RGS7: variants seen among roughly 807,000 people sequenced by gnomAD.
RGS7 encodes regulator of G protein signaling 7, also known as regulator of G-protein signaling 7.
RGS7 carries 27 observed loss-of-function variants against 81.1 expected under a neutral mutation model. That is an observed-to-expected ratio of 0.33 (90% CI 0.25 to 0.46). RGS7 has a LOEUF of 0.46. Among genes scored for constraint, RGS7 ranks in the 20% least tolerant of loss-of-function variants. The pLI, the probability that RGS7 is intolerant of heterozygous loss-of-function variation, is 1.00. For missense variants in RGS7, 396 were observed against 607.4 expected (o/e 0.65, Z 3.66); for synonymous variants, 208 against 207.7 (o/e 1.00, Z -0.01).
chr1:241,238,659 T>A (rs1261758894), intron 2 of RGS7, among the ~76,000 whole-genome samples: 1 of 152,094 alleles, frequency 6.6e-6, no homozygotes, highest in Non-Finnish European at 1.5e-5. Context: ...CTCGGCCTCC[T>A]GAGTGGCTAG....
At position 240,868,591 on chromosome 1, in the gene RGS7, G is replaced by T; in HGVS notation, c.605C>A (p.Pro202His). 1 of 1,613,978 alleles carries T rather than the reference G, an allele frequency of 6.2e-7. No homozygotes were observed. Among genetic ancestry groups the T allele is most frequent in the Non-Finnish European group, 8.5e-7 (1 of 1,179,910 alleles). The change falls in exon 9 of 19, where the codon CCC becomes CAC. Residue 202 changes from proline (P) to histidine (H), a missense_variant. By Grantham distance (77) the Pro-to-His change is moderately conservative. Transcript: ENST00000440928. The surrounding 1 kb of genome is among the most constrained non-coding windows in gnomAD (Gnocchi z 5.1). ...QERAFWDVHR[P>H]VPGCVNTTEV... ...GAGAGTGCGACGCTTGCTTACCACGGGCCTGTGCACGTCCCAGAACGCTCT... is the reference window on the plus strand; with the variant it reads ...GAGAGTGCGACGCTTGCTTACCACGTGCCTGTGCACGTCCCAGAACGCTCT...
At chr1:240,793,611 A>ATATATATATATTTTTTTTTTTTTT in intron 18 of RGS7, among the ~76,000 whole-genome samples, 3 of 78,870 alleles carry the variant, frequency 3.8e-5, no homozygotes, top group African/African-American at 2.9e-4. Flanking sequence ...ATATATATAT[A>ATATATATATATTTTTTTTTTTTTT]TTTTTTTTTT....
At chr1:241,074,133 A>C (rs1057025510) in intron 3 of RGS7, among the ~76,000 whole-genome samples, 8 of 152,086 alleles carry the variant, frequency 5.3e-5, no homozygotes, top group African/African-American at 1.9e-4. Context: ...CCTGACCTGA[A>C]GTGACCCACC....
intron 2 of RGS7, among the ~76,000 whole-genome samples, chr1:241,325,864 T>A (rs2081463849): frequency 6.6e-6 from 1 of 152,020 alleles, no homozygotes; most frequent in South Asian, 2.1e-4. Context: ...TACAGGAAAA[T>A]GTAATTTTTC....
At chr1:241,330,780 A>G (rs1201662066) in intron 2 of RGS7, among the ~76,000 whole-genome samples, 1 of 152,236 alleles carries the variant, frequency 6.6e-6, no homozygotes. Flanking sequence ...GGACTCCAAC[A>G]GCAGGGAGGG....
intron 9 of RGS7, among the ~76,000 whole-genome samples, chr1:240,849,295 T>C (rs915076375): frequency 6.6e-6 from 1 of 152,184 alleles, no homozygotes; most frequent in Admixed American, 6.5e-5. Flanking sequence ...TGTGATCTGT[T>C]ATGTTAACCT....
At chr1:241,259,650 C>CAAAAAAAAAAAAAAAAAA (rs71571832) in intron 2 of RGS7, among the ~76,000 whole-genome samples, 16 of 39,892 alleles carry the variant, frequency 4.0e-4, no homozygotes, top group East Asian at 5.6e-4. Flanking sequence ...AACTCCGTCT[C>CAAAAAAAAAAAAAAAAAA]AAAAAAAAAA....
intron 3 of RGS7, among the ~76,000 whole-genome samples, chr1:240,991,954 A>C (rs1686516052): frequency 6.6e-6 from 1 of 152,208 alleles, no homozygotes; most frequent in South Asian, 2.1e-4. Flanking sequence ...AGATAAAGAA[A>C]ATGTTTATTG....
At chr1:241,096,009 C>A (rs544641275) in intron 3 of RGS7, among the ~76,000 whole-genome samples, 4 of 152,274 alleles carry the variant, frequency 2.6e-5, no homozygotes, top group African/African-American at 9.6e-5. Context: ...ACAACATTTG[C>A]GATCCTTCCT....
chr1:241,107,148 C>T (rs1194648556), intron 2 of RGS7, among the ~76,000 whole-genome samples: 2 of 152,160 alleles, frequency 1.3e-5, no homozygotes, highest in South Asian at 2.1e-4. Flanking sequence ...ATGCTTACTG[C>T]CCCCTCCACT....
At chr1:241,033,390 T>C (rs1327361114) in intron 3 of RGS7, among the ~76,000 whole-genome samples, 1 of 151,988 alleles carries the variant, frequency 6.6e-6, no homozygotes, top group East Asian at 1.9e-4. Context: ...GAAAGTTCCA[T>C]AGGCAAAAAC....
At chr1:241,114,892 G>A (rs969279444) in intron 2 of RGS7, among the ~76,000 whole-genome samples, 4 of 152,144 alleles carry the variant, frequency 2.6e-5, no homozygotes, top group African/African-American at 9.7e-5. Flanking sequence ...GGGCACCAGG[G>A]AAGACCCTTT....
At chr1:241,245,963 G>C (rs2076513981) in intron 2 of RGS7, among the ~76,000 whole-genome samples, 1 of 151,820 alleles carries the variant, frequency 6.6e-6, no homozygotes, top group Non-Finnish European at 1.5e-5. Context: ...AATTAGCCAG[G>C]CGTGGTGGCG....
At chr1:240,827,233 A>C (rs1692994850) in intron 9 of RGS7, 61 bp from the exon 10 acceptor site, 1 of 1,309,514 alleles carries the variant, frequency 7.6e-7, no homozygotes, top group Non-Finnish European at 1.1e-6. Context: ...TGACCAGGAC[A>C]ATCATGAATG....
chr1:241,092,052 G>A (rs867261748), intron 3 of RGS7, among the ~76,000 whole-genome samples: 5 of 152,076 alleles, frequency 3.3e-5, no homozygotes, highest in African/African-American at 1.2e-4. Context: ...AATTTATAAA[G>A]CACCCATGAT....
intron 9 of RGS7, among the ~76,000 whole-genome samples, chr1:240,863,071 CAGCCTCCTGAGT>C (rs1662534667): frequency 6.6e-6 from 1 of 152,104 alleles, no homozygotes; most frequent in African/African-American, 2.4e-5. Context: ...CTCTTAGCCT[CAGCCTCCTGAGT>C]AGCTAGGATT....
chr1:241,260,337 C>T (rs913750403), intron 2 of RGS7, among the ~76,000 whole-genome samples: 2 of 152,222 alleles, frequency 1.3e-5, no homozygotes, highest in Non-Finnish European at 2.9e-5. Context: ...CAAGGCAGCC[C>T]TAAATACCTG....
At chr1:240,964,187 T>C (rs945024528) in intron 4 of RGS7, among the ~76,000 whole-genome samples, 2 of 152,214 alleles carry the variant, frequency 1.3e-5, no homozygotes, top group Non-Finnish European at 2.9e-5. Flanking sequence ...ATTTCCTCCT[T>C]GCTTTCTATT....
At chr1:241,209,464 T>G (rs2074117298) in intron 2 of RGS7, among the ~76,000 whole-genome samples, 1 of 152,152 alleles carries the variant, frequency 6.6e-6, no homozygotes. Context: ...TTAATAATAG[T>G]AATTGTAATA....
Sources: allele counts gnomAD v4.1 joint callset (sites outside exome capture counted in the v4.1 genomes callset), GRCh38; gene constraint gnomAD v4.1.1; non-coding constraint Gnocchi (gnomAD v3.1); transcripts MANE v1.5; gene names NCBI Gene and HGNC (gene_info 2026-07-23, HGNC 2026-07-21).